FAM53B: variants seen among roughly 807,000 people sequenced by gnomAD.
FAM53B encodes the protein protein FAM53B.
Under a neutral mutation model 32.7 loss-of-function variants are expected in FAM53B, and 12 were observed. The observed-to-expected ratio is 0.37, with a 90% CI of 0.24 to 0.59. The LOEUF is 0.59. Ranked by LOEUF, FAM53B falls within the 20% of genes least tolerant of loss-of-function variation. The probability of loss-of-function intolerance (pLI) is 0.72; values close to 1 mark genes in which losing one functional copy is unlikely to be tolerated. For missense variants in FAM53B, 477 were observed against 577.7 expected (o/e 0.83, Z 1.79); for synonymous variants, 234 against 228.7 (o/e 1.02, Z -0.21).
intron 4 of FAM53B, among the ~76,000 whole-genome samples, chr10:124,640,835 A>G (rs1949466043): frequency 6.6e-6 from 1 of 152,088 alleles, no homozygotes; most frequent in South Asian, 2.1e-4. Flanking sequence ...GCAGGAAGAG[A>G]GGAGGAGGAA....
chr10:124,737,238 C>T (rs1388975108), intron 1 of FAM53B, among the ~76,000 whole-genome samples: 2 of 152,234 alleles, frequency 1.3e-5, no homozygotes. Flanking sequence ...CGGCCCAAAC[C>T]CAACTCCCCA....
intron 4 of FAM53B, among the ~76,000 whole-genome samples, chr10:124,652,429 G>C (rs1372474670): frequency 6.6e-6 from 1 of 152,174 alleles, no homozygotes; most frequent in Admixed American, 6.5e-5. Flanking sequence ...GGAGGCTGTG[G>C]CCACAGCCTT....
At chr10:124,666,101 T>C (rs983036501) in intron 4 of FAM53B, among the ~76,000 whole-genome samples, 2 of 152,258 alleles carry the variant, frequency 1.3e-5, no homozygotes, top group Admixed American at 1.3e-4. Context: ...GCCTAGACTC[T>C]GAGGGCCCAG....
At position 124,620,114 on chromosome 10, in the gene FAM53B, A is replaced by G. The variant is rs3802703; in HGVS notation, c.*3128T>C. 7,250 of 152,678 alleles carry G rather than the reference A, an allele frequency of 0.047. 275 individuals are homozygous for G. The highest frequency in any genetic ancestry group is 0.14 in the East Asian group (718 of 5,178). The allele number at this position is 152,678 out of a possible 1,614,324, so 9.5% of individuals were successfully genotyped here. A position where few individuals can be genotyped will look rare whatever the true frequency, so the allele number is the denominator to read the frequency against. On this transcript the variant is annotated 3_prime_UTR_variant, in exon 5 of 5. Transcript: ENST00000337318. ...GTACAAATTCACAAAACTGGCTACA[A>G]AAATTTGGTTGAAAAGTAAGGCTTT...
intron 2 of FAM53B, among the ~76,000 whole-genome samples, chr10:124,702,198 C>G (rs528540162): frequency 2.6e-4 from 39 of 152,248 alleles, no homozygotes; most frequent in Non-Finnish European, 4.4e-4. Context: ...CGGCCTCCCC[C>G]ACAGTCATGC....
At chr10:124,709,326 C>T (rs1207285836) in intron 1 of FAM53B, among the ~76,000 whole-genome samples, 1 of 152,190 alleles carries the variant, frequency 6.6e-6, no homozygotes, top group Non-Finnish European at 1.5e-5. Flanking sequence ...AAGCAGGAAG[C>T]CAGAACGAGG....
At chr10:124,685,613 A>T (rs1360100500) in intron 3 of FAM53B, among the ~76,000 whole-genome samples, 2 of 152,344 alleles carry the variant, frequency 1.3e-5, no homozygotes, top group East Asian at 3.9e-4. Flanking sequence ...GGCCTCGGGG[A>T]AACCCGTGAC....
chr10:124,737,589 A>T (rs1024900530), intron 1 of FAM53B, among the ~76,000 whole-genome samples: 2 of 152,180 alleles, frequency 1.3e-5, no homozygotes, highest in African/African-American at 4.8e-5. Flanking sequence ...GGACCCTGGG[A>T]GAGTCACCTC....
chr10:124,715,274 G>T (rs1027879351), intron 1 of FAM53B, among the ~76,000 whole-genome samples: 10 of 152,214 alleles, frequency 6.6e-5, no homozygotes, highest in Non-Finnish European at 1.0e-4. Context: ...ATGGGCAGAT[G>T]ACGAGTATCT....
chr10:124,690,338 C>T, intron 3 of FAM53B, among the ~76,000 whole-genome samples: 1 of 152,242 alleles, frequency 6.6e-6, no homozygotes, highest in East Asian at 1.9e-4. Flanking sequence ...AACGATGTCA[C>T]ATCTCCCCCA....
intron 4 of FAM53B, among the ~76,000 whole-genome samples, chr10:124,624,247 C>T (rs563929008): frequency 7.2e-5 from 11 of 152,326 alleles, no homozygotes; most frequent in South Asian, 2.1e-4. Context: ...ACAACCAGAG[C>T]GGGAGCCGCA....
At chr10:124,664,283 G>A (rs1949654075) in intron 4 of FAM53B, among the ~76,000 whole-genome samples, 1 of 152,190 alleles carries the variant, frequency 6.6e-6, no homozygotes, top group East Asian at 1.9e-4. Context: ...AGTCCCTGAA[G>A]GGAGGTTCAG....
At position 124,623,132 on chromosome 10, in the gene FAM53B, A is replaced by G. The variant is rs1322033486; in HGVS notation, c.*110T>C. 7.2e-7 allele frequency: 1 copy of G among 1,389,946 alleles called. No individual in the cohort carries two copies. Among genetic ancestry groups the G allele is most frequent in the African/African-American group, 1.5e-5 (1 of 68,558 alleles). The allele number at this position is 1,389,946 out of a possible 1,614,324, so 86.1% of individuals were successfully genotyped here. Reference sequence around the variant, plus strand: ...TCTCTGGGACCCGACACCACTCAGGAAGCTTTCATCAGGCCCACGAGTTGG... The same window carrying G: ...TCTCTGGGACCCGACACCACTCAGGGAGCTTTCATCAGGCCCACGAGTTGG... On this transcript the variant is annotated 3_prime_UTR_variant, in exon 5 of 5. Coordinates refer to ENST00000337318, the MANE Select transcript of FAM53B (RefSeq NM_014661.4).
intron 1 of FAM53B, among the ~76,000 whole-genome samples, chr10:124,727,335 G>A (rs1289962450): frequency 6.8e-6 from 1 of 148,050 alleles, no homozygotes; most frequent in Non-Finnish European, 1.5e-5. Context: ...GATTGTGGGG[G>A]GGGGGGGGGT....
intron 4 of FAM53B, among the ~76,000 whole-genome samples, chr10:124,640,978 T>C (rs189406254): frequency 3.3e-5 from 5 of 152,198 alleles, no homozygotes; most frequent in African/African-American, 9.7e-5. Flanking sequence ...GCTGTGGGTA[T>C]TTTACTTTCC....
At chr10:124,698,791 G>C (rs935145320) in intron 2 of FAM53B, among the ~76,000 whole-genome samples, 3 of 151,938 alleles carry the variant, frequency 2.0e-5, no homozygotes, top group Admixed American at 6.5e-5. Context: ...CCAGAACCCA[G>C]AGCCATCTTC....
chr10:124,681,386 G>A (rs1444446685), intron 4 of FAM53B, among the ~76,000 whole-genome samples: 1 of 152,160 alleles, frequency 6.6e-6, no homozygotes, highest in Non-Finnish European at 1.5e-5. Context: ...CCCTAGCACT[G>A]AGCTCACAGT....
At chr10:124,657,541 T>G (rs1287588508) in intron 4 of FAM53B, among the ~76,000 whole-genome samples, 2 of 152,218 alleles carry the variant, frequency 1.3e-5, no homozygotes, top group Non-Finnish European at 2.9e-5. Context: ...GAATTTAAAT[T>G]TCTGTTCTTT....
intron 4 of FAM53B, among the ~76,000 whole-genome samples, chr10:124,673,341 G>A (rs989000728): frequency 1.3e-5 from 2 of 152,126 alleles, no homozygotes; most frequent in Non-Finnish European, 2.9e-5. Context: ...TCACTCTGCC[G>A]TTGCACACAA....
Sources: gnomAD v4.1 joint callset for allele counts (sites outside exome capture counted in the v4.1 genomes callset) on GRCh38, gnomAD v4.1.1 for gene constraint, MANE v1.5 for transcripts, NCBI Gene and HGNC (gene_info 2026-07-23, HGNC 2026-07-21) for gene names.